SATB2: variants seen among roughly 807,000 people sequenced by gnomAD.
The protein encoded by SATB2 is SATB homeobox 2, also known as DNA-binding protein SATB2.
A neutral mutation model predicts 73.4 loss-of-function variants in SATB2; 1 was observed. The observed-to-expected ratio is 0.01, with a 90% CI of 0.00 to 0.06. The LOEUF is 0.06. Ranked by LOEUF, SATB2 falls within the 10% of genes least tolerant of loss-of-function variation. The pLI, the probability that SATB2 is intolerant of heterozygous loss-of-function variation, is 1.00. For synonymous variants in SATB2, 397 were observed against 367.0 expected (o/e 1.08, Z -0.93); for missense variants, 459 against 945.8 (o/e 0.49, Z 6.75).
chr2:199,285,494 T>A (rs568751554), intron 10 of SATB2, among the ~76,000 whole-genome samples: 1 of 152,208 alleles, frequency 6.6e-6, no homozygotes, highest in African/African-American at 2.4e-5. Flanking sequence ...ATCCTAACAT[T>A]ATAGGACTTA....
intron 3 of SATB2, among the ~76,000 whole-genome samples, chr2:199,404,261 G>A (rs564782535): frequency 2.6e-4 from 39 of 152,162 alleles, no homozygotes; most frequent in Non-Finnish European, 4.7e-4. Context: ...CCTGACTCCC[G>A]ATGTGGACCT....
Position 199,381,818 on chromosome 2 carries a change from T to C in SATB2, c.349A>G (p.Ile117Val). The C allele has an allele frequency of 1.9e-6, 3 of 1,614,084 alleles. No homozygotes were observed. Among genetic ancestry groups the C allele is most frequent in the Non-Finnish European group, 2.5e-6 (3 of 1,179,946 alleles). The change falls in exon 4 of 11, where the codon ATA becomes GTA. Residue 117 changes from isoleucine (I) to valine (V), a missense_variant and splice_region_variant. Physicochemically the swap from Ile to Val is conservative, Grantham distance 29 (BLOSUM62 3). This residue lies in a region of SATB2 where 56 missense variants were observed against 183.7 expected (regional missense o/e 0.30). Coordinates refer to ENST00000417098, the MANE Select transcript of SATB2 (RefSeq NM_001172509.2). ...GGGTTCCACCTTCCCAGCTTGATTA[T>C]TCCTGCACAGGGAAGAAAAACATAA... The part of the protein sequence containing the change: ...SHSSAAQAQG[I>V]IKLGRWNPLP...
At chr2:199,360,176 TC>T (rs1247541421) in intron 6 of SATB2, among the ~76,000 whole-genome samples, 1 of 152,184 alleles carries the variant, frequency 6.6e-6, no homozygotes, top group Non-Finnish European at 1.5e-5. Context: ...CCTGCTGGTC[TC>T]CCCAGTAGAA....
intron 5 of SATB2, among the ~76,000 whole-genome samples, chr2:199,373,948 T>C (rs1454628503): frequency 6.6e-6 from 1 of 152,254 alleles, no homozygotes; most frequent in Admixed American, 6.5e-5. Context: ...TTCTGGTCCA[T>C]GCAGTTGATC....
intron 3 of SATB2, among the ~76,000 whole-genome samples, chr2:199,415,627 C>T (rs1176393826): frequency 2.0e-5 from 3 of 152,206 alleles, no homozygotes; most frequent in Admixed American, 2.0e-4. Context: ...GTGAATACTT[C>T]ATTCATCAGA....
At chr2:199,333,121 A>G (rs1688235937) in intron 7 of SATB2, among the ~76,000 whole-genome samples, 1 of 151,972 alleles carries the variant, frequency 6.6e-6, no homozygotes, top group Non-Finnish European at 1.5e-5. Context: ...CCCATTGATT[A>G]TCTAGGGAAC....
In SATB2 at chr2:199,271,485, G is replaced by A. The variant is rs1266928906; in HGVS notation, c.*726C>T. 4 of 141,240 alleles carry A rather than the reference G, an allele frequency of 2.8e-5. No individual in the cohort carries two copies. Among genetic ancestry groups the A allele is most frequent in the Non-Finnish European group, 4.6e-5 (3 of 65,264 alleles). The allele number at this position is 141,240 out of a possible 1,614,324, so 8.7% of individuals were successfully genotyped here. A position where few individuals can be genotyped will look rare whatever the true frequency, so the allele number is the denominator to read the frequency against. The stretch of plus-strand genomic sequence containing the variant: ...TTTTCACTTCACTTTTTTTTTTTTC[G>A]GCAGTGTCGTTTATTTTGTTAAATA... On this transcript the variant is annotated 3_prime_UTR_variant, in exon 11 of 11. Coordinates refer to ENST00000417098, the MANE Select transcript of SATB2 (RefSeq NM_001172509.2).
chr2:199,384,377 T>G (rs1336672476), intron 3 of SATB2, among the ~76,000 whole-genome samples: 1 of 152,220 alleles, frequency 6.6e-6, no homozygotes, highest in Non-Finnish European at 1.5e-5. Flanking sequence ...CACAGCTATT[T>G]ACCAGGGTCT....
At chr2:199,412,322 T>C (rs1200765473) in intron 3 of SATB2, among the ~76,000 whole-genome samples, 1 of 152,150 alleles carries the variant, frequency 6.6e-6, no homozygotes, top group Non-Finnish European at 1.5e-5. Flanking sequence ...ACTTCTGTAT[T>C]ACAAACAGAA....
intron 7 of SATB2, among the ~76,000 whole-genome samples, chr2:199,336,588 A>G (rs2105806632): frequency 6.6e-6 from 1 of 152,330 alleles, no homozygotes; most frequent in Non-Finnish European, 1.5e-5. Context: ...AACAGTTACA[A>G]AATATTATTC....
chr2:199,309,205 T>C (rs949083800), intron 9 of SATB2, among the ~76,000 whole-genome samples: 18 of 152,236 alleles, frequency 1.2e-4, no homozygotes, highest in Admixed American at 3.9e-4. Context: ...ATATTCTCAA[T>C]TGCAGTTTCT....
At chr2:199,330,798 C>T (rs1405466365) in intron 7 of SATB2, among the ~76,000 whole-genome samples, 1 of 152,042 alleles carries the variant, frequency 6.6e-6, no homozygotes, top group African/African-American at 2.4e-5. Context: ...CTTTCAATAC[C>T]AGTAAAAAAC....
intron 3 of SATB2, among the ~76,000 whole-genome samples, chr2:199,391,350 G>T (rs7598128): frequency 6.7e-6 from 1 of 149,252 alleles, no homozygotes. Context: ...GGAGAATGGC[G>T]TGAACCCGGG....
intron 10 of SATB2, among the ~76,000 whole-genome samples, chr2:199,285,895 T>TTA (rs767753719): frequency 8.6e-5 from 13 of 150,364 alleles, no homozygotes; most frequent in Admixed American, 2.7e-4. Context: ...TTTTTTTTTT[T>TTA]AAATATTGTA....
At chr2:199,284,266 T>C (rs1692619154) in intron 10 of SATB2, among the ~76,000 whole-genome samples, 1 of 152,224 alleles carries the variant, frequency 6.6e-6, no homozygotes, top group Non-Finnish European at 1.5e-5. Context: ...AAGGGCTGCA[T>C]AACCTTACAA....
At chr2:199,285,734 AG>A (rs1692664881) in intron 10 of SATB2, among the ~76,000 whole-genome samples, 1 of 151,010 alleles carries the variant, frequency 6.6e-6, no homozygotes, top group South Asian at 2.1e-4. Context: ...AAAAAAAAAA[AG>A]AGAGAGAGAG....
chr2:199,423,020 C>T (rs1385294297), intron 3 of SATB2, among the ~76,000 whole-genome samples: 1 of 152,044 alleles, frequency 6.6e-6, no homozygotes. Flanking sequence ...TTTTAAGTGT[C>T]CAATCATTTT....
At chr2:199,414,418 T>A (rs1476555105) in intron 3 of SATB2, among the ~76,000 whole-genome samples, 1 of 152,194 alleles carries the variant, frequency 6.6e-6, no homozygotes, top group Non-Finnish European at 1.5e-5. Context: ...TCTTTCCCCA[T>A]CCACCCCCCA....
At chr2:199,319,414 T>G (rs1339305335) in intron 9 of SATB2, among the ~76,000 whole-genome samples, 1 of 152,108 alleles carries the variant, frequency 6.6e-6, no homozygotes, top group African/African-American at 2.4e-5. Context: ...TCACCCTTTT[T>G]CTTTTATCCC....
Sources: gnomAD v4.1 joint callset for allele counts (sites outside exome capture counted in the v4.1 genomes callset) on GRCh38, gnomAD v4.1.1 for gene constraint, gnomAD v4.1.1 regional missense constraint, MANE v1.5 for transcripts, NCBI Gene and HGNC (gene_info 2026-07-23, HGNC 2026-07-21) for gene names.